OPCML: variants seen among roughly 807,000 people sequenced by gnomAD.
OPCML encodes opioid-binding protein/cell adhesion molecule.
A neutral mutation model predicts 37.8 loss-of-function variants in OPCML; 13 were observed. The observed-to-expected ratio is 0.34, with a 90% CI of 0.22 to 0.55. The LOEUF is 0.55. Ranked by LOEUF, OPCML falls within the 20% of genes least tolerant of loss-of-function variation. OPCML has a pLI of 0.91. For synonymous variants in OPCML, 176 were observed against 168.8 expected, an observed-to-expected ratio of 1.04 and a Z score of -0.33; for missense variants, 341 against 435.6, an observed-to-expected ratio of 0.78 and a Z score of 1.93.
intron 1 of OPCML, among the ~76,000 whole-genome samples, chr11:133,185,425 G>C (rs1190548158): frequency 6.6e-6 from 1 of 152,202 alleles, no homozygotes; most frequent in Non-Finnish European, 1.5e-5. Flanking sequence ...GCCTCACTGA[G>C]AGCCGCTGCA....
At chr11:133,513,215 T>C (rs767063141) in intron 1 of OPCML, among the ~76,000 whole-genome samples, 2 of 152,178 alleles carry the variant, frequency 1.3e-5, no homozygotes, top group African/African-American at 4.8e-5. Flanking sequence ...ATTTATAACA[T>C]GGACATTGAG....
chr11:133,121,552 G>A (rs1474489818), intron 1 of OPCML, among the ~76,000 whole-genome samples: 1 of 152,170 alleles, frequency 6.6e-6, no homozygotes, highest in Non-Finnish European at 1.5e-5. Context: ...TAGGAATCCT[G>A]GGCCGAGGGT....
chr11:132,765,908 C>G (rs1210202078), intron 2 of OPCML, among the ~76,000 whole-genome samples: 1 of 152,066 alleles, frequency 6.6e-6, no homozygotes, highest in Non-Finnish European at 1.5e-5. Context: ...AGAAGTGCGT[C>G]TAAAATGTTC....
rs111817965 is a variant in OPCML, at chr11:132,824,624, T to G, written c.146+118302A>C. ...CTCTGCTTCTCCACTGAAATGGCTC[T>G]GCAAGGTCACCAACTGCCCCCCTAT... On this transcript the variant is annotated intron_variant, in intron 2 of 7. Coordinates refer to ENST00000524381, the MANE Select transcript of OPCML (RefSeq NM_001012393.5). Among the ~76,000 whole-genome samples the G allele has an allele frequency of 7.2e-4, 110 of 152,350 alleles. 1 individual carries two copies. The South Asian group carries it at 0.012, about 16-fold the overall frequency.
chr11:132,933,313 C>A (rs1200327827), intron 2 of OPCML, among the ~76,000 whole-genome samples: 1 of 152,120 alleles, frequency 6.6e-6, no homozygotes, highest in South Asian at 2.1e-4. Context: ...ATTATGTGAC[C>A]TTGATGAAGG....
chr11:132,827,267 A>AC (rs1208620900), intron 2 of OPCML, among the ~76,000 whole-genome samples: 1 of 152,182 alleles, frequency 6.6e-6, no homozygotes, highest in Non-Finnish European at 1.5e-5. Flanking sequence ...AAGATCAGGT[A>AC]CCCCACCAAA....
At chr11:133,012,901 C>T (rs1947248398) in intron 1 of OPCML, among the ~76,000 whole-genome samples, 1 of 151,348 alleles carries the variant, frequency 6.6e-6, no homozygotes, top group Non-Finnish European at 1.5e-5. Flanking sequence ...AAAAATCAGT[C>T]TGTACTTGGA....
At chr11:132,839,185 T>C (rs947801625) in intron 2 of OPCML, among the ~76,000 whole-genome samples, 3 of 152,160 alleles carry the variant, frequency 2.0e-5, no homozygotes, top group Non-Finnish European at 4.4e-5. Context: ...ACCCTGTTTG[T>C]CTTGTCAGAA....
chr11:133,014,926 GAAGAA>G (rs1187948474), intron 1 of OPCML, among the ~76,000 whole-genome samples: 1 of 152,060 alleles, frequency 6.6e-6, no homozygotes, highest in African/African-American at 2.4e-5. Context: ...CCCACAGACA[GAAGAA>G]TAGAGGAATG....
intron 7 of OPCML, among the ~76,000 whole-genome samples, chr11:132,424,739 G>T (rs1260349130): frequency 6.6e-6 from 1 of 152,186 alleles, no homozygotes; most frequent in Non-Finnish European, 1.5e-5. Context: ...TTGCAGGACT[G>T]ATTGAAGGAT....
intron 1 of OPCML, among the ~76,000 whole-genome samples, chr11:133,040,492 G>T (rs192838288): frequency 6.6e-6 from 1 of 152,228 alleles, no homozygotes; most frequent in Admixed American, 6.5e-5. Flanking sequence ...GAATGTCCAT[G>T]ACTTCCCTAT....
At position 133,075,488 on chromosome 11, in the gene OPCML, C is replaced by T. The variant is rs180673609; in HGVS notation, c.62-132478G>A. Among the ~76,000 whole-genome samples, 198 of 152,242 alleles carry T rather than the reference C, an allele frequency of 1.3e-3. 1 individual carries two copies. Among genetic ancestry groups the T allele is most frequent in the African/African-American group, 4.6e-3 (193 of 41,544 alleles). On this transcript the variant is annotated intron_variant, in intron 1 of 7. Coordinates refer to ENST00000524381, the MANE Select transcript of OPCML (RefSeq NM_001012393.5). ...GGGGGATGAGCGGTGGGGACGCTGC[C>T]GGGAAGCAGTTCGACACTGACTGAT...
intron 1 of OPCML, among the ~76,000 whole-genome samples, chr11:133,161,067 C>T (rs188467804): frequency 2.0e-5 from 3 of 152,282 alleles, no homozygotes; most frequent in South Asian, 2.1e-4. Context: ...TCCTGCCTTA[C>T]CTTTCTCTTT....
intron 2 of OPCML, among the ~76,000 whole-genome samples, chr11:132,740,342 C>A (rs574401359): frequency 6.6e-6 from 1 of 152,282 alleles, no homozygotes; most frequent in African/African-American, 2.4e-5. Context: ...TTTCTCAGAG[C>A]CACATCTTCC....
At chr11:133,295,468 C>T (rs781625715) in intron 1 of OPCML, among the ~76,000 whole-genome samples, 18 of 152,096 alleles carry the variant, frequency 1.2e-4, no homozygotes, top group Non-Finnish European at 2.4e-4. Context: ...TGACAACTTC[C>T]TATTGCAGAA....
Position 132,420,041 on chromosome 11 carries a change from C to G in OPCML, c.*152G>C. On this transcript the variant is annotated 3_prime_UTR_variant, in exon 8 of 8. Transcript: ENST00000524381. ...CACTCATTCAAGCTGGAAATAAAAGCAAACAAACAAATAAACAAAAACAAA... is the reference window on the plus strand; with the variant it reads ...CACTCATTCAAGCTGGAAATAAAAGGAAACAAACAAATAAACAAAAACAAA... The G allele has an allele frequency of 4.9e-6, 2 of 408,978 alleles. No individual in the cohort carries two copies. The highest frequency in any genetic ancestry group is 8.9e-6 in the Non-Finnish European group (2 of 225,614). The allele number at this position is 408,978 out of a possible 1,614,324, so 25.3% of individuals were successfully genotyped here. A position where few individuals can be genotyped will look rare whatever the true frequency, so the allele number is the denominator to read the frequency against.
At chr11:132,937,370 G>GCTTA (rs1331435189) in intron 2 of OPCML, among the ~76,000 whole-genome samples, 1 of 152,156 alleles carries the variant, frequency 6.6e-6, no homozygotes, top group African/African-American at 2.4e-5. Context: ...TACCCAAAGG[G>GCTTA]CTTAGATAAG....
rs575105084 is a variant in OPCML, at chr11:132,675,752, T to C, written c.147-18433A>G. Among the ~76,000 whole-genome samples, 8 of 152,310 alleles carry C rather than the reference T, an allele frequency of 5.3e-5. No homozygotes were observed. In the East Asian group the frequency reaches 1.3e-3, roughly 26 times the overall value. ...TTTTACAAAAGAATTACAAAGCTTA[T>C]GCTCTAAAAACAAAAGTGTTGAAAT... On this transcript the variant is annotated intron_variant, in intron 2 of 7. Coordinates refer to ENST00000524381, the MANE Select transcript of OPCML (RefSeq NM_001012393.5).
At chr11:133,313,087 T>C (rs146686102) in intron 1 of OPCML, among the ~76,000 whole-genome samples, 1 of 152,344 alleles carries the variant, frequency 6.6e-6, no homozygotes, top group African/African-American at 2.4e-5. Flanking sequence ...ATGGTATTTA[T>C]CACTATCTGA....
Sources: gnomAD v4.1 joint callset for allele counts (sites outside exome capture counted in the v4.1 genomes callset) on GRCh38, gnomAD v4.1.1 for gene constraint, MANE v1.5 for transcripts, NCBI Gene and HGNC (gene_info 2026-07-23, HGNC 2026-07-21) for gene names.